The following ASCC3 variants were observed in gnomAD, a reference collection of about 807,000 sequenced individuals.
ASCC3 encodes activating signal cointegrator 1 complex subunit 3.
A neutral mutation model predicts 256.3 loss-of-function variants in ASCC3; 158 were observed. The ratio of observed to expected loss-of-function variants is 0.62; its 90% CI spans 0.54 to 0.70. The LOEUF is 0.70. Ranked by LOEUF, ASCC3 falls within the 30% of genes least tolerant of loss-of-function variation. The probability of loss-of-function intolerance (pLI) is 0.00; values close to 1 mark genes in which losing one functional copy is unlikely to be tolerated. For missense variants in ASCC3, 2,259 were observed against 2,626.0 expected (o/e 0.86, Z 3.05); for synonymous variants, 948 against 883.4 (o/e 1.07, Z -1.30).
At chr6:100,710,329 G>A (rs1170303531) in intron 13 of ASCC3, among the ~76,000 whole-genome samples, 1 of 152,084 alleles carries the variant, frequency 6.6e-6, no homozygotes, top group Non-Finnish European at 1.5e-5. Flanking sequence ...CCATTCCTAA[G>A]TTCTTCATGC....
intron 10 of ASCC3, among the ~76,000 whole-genome samples, chr6:100,728,021 T>C (rs904579636): frequency 3.3e-5 from 5 of 152,110 alleles, no homozygotes; most frequent in Non-Finnish European, 7.4e-5. Flanking sequence ...TATAACATTA[T>C]TCTCTATGTG....
intron 11 of ASCC3, among the ~76,000 whole-genome samples, chr6:100,724,203 T>A (rs1247748328): frequency 6.9e-6 from 1 of 144,132 alleles, no homozygotes; most frequent in Admixed American, 6.9e-5. Flanking sequence ...CAGGGTGGGA[T>A]CACAGAGTCA....
At chr6:100,607,250 A>G (rs539700509) in intron 30 of ASCC3, among the ~76,000 whole-genome samples, 162 bp from the exon 31 acceptor site, 1 of 152,248 alleles carries the variant, frequency 6.6e-6, no homozygotes, top group South Asian at 2.1e-4. Flanking sequence ...AACTGAAAAG[A>G]ATATCTACTT....
At chr6:100,624,747 A>C (rs1774143660) in intron 30 of ASCC3, among the ~76,000 whole-genome samples, 1 of 152,040 alleles carries the variant, frequency 6.6e-6, no homozygotes. Context: ...AATGGAATAT[A>C]ACTGCATAGA....
intron 4 of ASCC3, among the ~76,000 whole-genome samples, chr6:100,824,226 C>T (rs906299722): frequency 2.0e-5 from 3 of 152,120 alleles, no homozygotes; most frequent in African/African-American, 7.2e-5. Flanking sequence ...GCTATTTGAA[C>T]CCTGCTTCTC....
chr6:100,716,793 A>G (rs1779107276), intron 12 of ASCC3, among the ~76,000 whole-genome samples: 3 of 151,992 alleles, frequency 2.0e-5, no homozygotes, highest in African/African-American at 7.2e-5. Flanking sequence ...GTGATTTAAC[A>G]ATTTGTATGA....
chr6:100,842,068 C>G (rs1166488633), intron 4 of ASCC3, among the ~76,000 whole-genome samples: 1 of 152,020 alleles, frequency 6.6e-6, no homozygotes, highest in African/African-American at 2.4e-5. Context: ...GAAAAGACAA[C>G]AAAAAACCAA....
intron 5 of ASCC3, among the ~76,000 whole-genome samples, chr6:100,800,710 CA>C (rs1769873599): frequency 1.3e-5 from 2 of 151,876 alleles, no homozygotes; most frequent in Non-Finnish European, 2.9e-5. Context: ...TAAGAAAAGT[CA>C]GCAGTATTTT....
At chr6:100,776,500 C>G (rs1374112524) in intron 8 of ASCC3, among the ~76,000 whole-genome samples, 2 of 152,042 alleles carry the variant, frequency 1.3e-5, no homozygotes, top group South Asian at 2.1e-4. Flanking sequence ...CGCCAGACTA[C>G]TGATCTTACA....
intron 3 of ASCC3, among the ~76,000 whole-genome samples, chr6:100,856,134 G>C (rs751806373): frequency 6.6e-6 from 1 of 152,126 alleles, no homozygotes; most frequent in Non-Finnish European, 1.5e-5. Flanking sequence ...GCACAGACTT[G>C]AGCCCTACCA....
chr6:100,699,194 A>T (rs1240800601), intron 13 of ASCC3, among the ~76,000 whole-genome samples: 1 of 152,152 alleles, frequency 6.6e-6, no homozygotes, highest in Non-Finnish European at 1.5e-5. Context: ...CTTGAATCGT[A>T]ATGTAACTCC....
At chr6:100,562,679 T>C (rs189043602) in intron 36 of ASCC3, among the ~76,000 whole-genome samples, 234 of 152,220 alleles carry the variant, frequency 1.5e-3, no homozygotes, top group African/African-American at 5.6e-3. Context: ...TTTTTTTCTA[T>C]TATAAATAAT....
chr6:100,767,204 C>T lies in ASCC3; in HGVS notation c.1537G>A (p.Val513Ile), dbSNP rs1385056378. 1 of 1,613,998 alleles carries T rather than the reference C, an allele frequency of 6.2e-7. No homozygotes were observed. Among genetic ancestry groups the T allele is most frequent in the East Asian group, 2.2e-5 (1 of 44,870 alleles). ...AGKTNIAMLT[V>I]LHEIRQHFQQ... ...AAATGTTGGCGAATTTCATGCAAGA[C>T]TGTCAGCATTGCAATGTTGGTTTTT... is the stretch of plus-strand genomic sequence containing the variant. Residue 513 changes from valine (V) to isoleucine (I), a missense_variant, in exon 9 of 42, where the codon GTC (valine) becomes ATC (isoleucine). Physicochemically the swap from Val to Ile is conservative, Grantham distance 29. This residue lies in a region of ASCC3 where 1,839 missense variants were observed against 2,206.7 expected (regional missense o/e 0.83). Transcript: ENST00000369162.
At chr6:100,805,249 C>T (rs557922398) in intron 5 of ASCC3, among the ~76,000 whole-genome samples, 2 of 152,078 alleles carry the variant, frequency 1.3e-5, no homozygotes, top group South Asian at 2.1e-4. Flanking sequence ...TTATCCTAAG[C>T]GAATTAACGT....
intron 27 of ASCC3, 92 bp downstream of exon 27, chr6:100,628,923 A>G: frequency 3.4e-6 from 4 of 1,163,298 alleles, no homozygotes; most frequent in Non-Finnish European, 2.5e-6. Flanking sequence ...CTAGAAATAT[A>G]TATAAATATT....
chr6:100,693,374 C>A, intron 13 of ASCC3, among the ~76,000 whole-genome samples: 1 of 151,022 alleles, frequency 6.6e-6, no homozygotes, highest in African/African-American at 2.4e-5. Context: ...GGTGGAAAGG[C>A]TGTGGGAAAA....
intron 36 of ASCC3, among the ~76,000 whole-genome samples, chr6:100,588,069 G>A (rs1197512989): frequency 2.6e-5 from 4 of 152,144 alleles, no homozygotes; most frequent in Non-Finnish European, 4.4e-5. Context: ...AGGCAGTATA[G>A]TAGGATGGTT....
intron 13 of ASCC3, among the ~76,000 whole-genome samples, chr6:100,699,715 A>C (rs1340058127): frequency 6.6e-6 from 1 of 152,182 alleles, no homozygotes; most frequent in Admixed American, 6.5e-5. Context: ...TGATTTGGGC[A>C]ATGAAATCTG....
intron 29 of ASCC3, among the ~76,000 whole-genome samples, chr6:100,627,031 A>C (rs553370790): frequency 6.6e-6 from 1 of 152,300 alleles, no homozygotes; most frequent in African/African-American, 2.4e-5. Context: ...GTCACCACAC[A>C]ATCAACAGCA....
Sources: allele counts gnomAD v4.1 joint callset (sites outside exome capture counted in the v4.1 genomes callset), GRCh38; gene constraint gnomAD v4.1.1; regional missense constraint gnomAD v4.1.1; transcripts MANE v1.5; gene names NCBI Gene and HGNC (gene_info 2026-07-23, HGNC 2026-07-21).